The following RMDN3 variants were observed in gnomAD, a reference collection of about 807,000 sequenced individuals.
RMDN3 encodes the protein regulator of microtubule dynamics protein 3.
Under a neutral mutation model 61.8 loss-of-function variants are expected in RMDN3, and 41 were observed. The observed-to-expected ratio is 0.66, with a 90% CI of 0.52 to 0.86. The LOEUF (loss-of-function observed/expected upper bound fraction) is 0.86, where lower values mean the gene tolerates loss of function less well. Among genes scored for constraint, RMDN3 ranks in the 40% least tolerant of loss-of-function variants. The pLI is 0.00. For missense variants in RMDN3, 557 were observed against 585.3 expected (o/e 0.95, Z 0.50); for synonymous variants, 247 against 232.0 (o/e 1.06, Z -0.59).
At position 40,744,028 on chromosome 15, in the gene RMDN3, G is replaced by T; in HGVS notation, c.910+19C>A. 6.3e-7 allele frequency: 1 copy of T among 1,595,346 alleles called. No homozygotes were observed. Among genetic ancestry groups the T allele is most frequent in the South Asian group, 1.1e-5 (1 of 89,486 alleles). Reference sequence around the variant, plus strand: ...TGAATCAGTCAGTCACCTTCCCACAGGAAGCTGTCAGCACTTACCATCTAG... The same window carrying T: ...TGAATCAGTCAGTCACCTTCCCACATGAAGCTGTCAGCACTTACCATCTAG... On this transcript the variant is annotated intron_variant, in intron 6 of 12. Coordinates refer to ENST00000338376, the MANE Select transcript of RMDN3 (RefSeq NM_018145.3).
chr15:40,737,886 G>T, intron 9 of RMDN3, 79 bp downstream of exon 9: 1 of 1,542,216 alleles, frequency 6.5e-7, no homozygotes, highest in Non-Finnish European at 9.0e-7. Flanking sequence ...GAAGGCTGAG[G>T]ATCTTGTTCT....
rs1442484009 is a variant in RMDN3 at position 40,745,107 on chromosome 15, G to A, written c.677C>T (p.Ala226Val). 6.2e-7 allele frequency: 1 copy of A among 1,614,090 alleles called. No homozygotes were observed. Among genetic ancestry groups the A allele is most frequent in the South Asian group, 1.1e-5 (1 of 91,078 alleles). Residue 226 changes from alanine to valine, a missense_variant, in exon 5 of 13, where the codon GCC becomes GTC. Transcript: ENST00000338376. Reference protein sequence around the residue: ...EEEAASGASSALEAGGSSGLE... With the variant: ...EEEAASGASSVLEAGGSSGLE... ...GCCTGAGGAACCTCCAGCCTCCAGGGCACTGGAGGCACCTGAAGCTGCCTC... is the reference window on the plus strand; with the variant it reads ...GCCTGAGGAACCTCCAGCCTCCAGGACACTGGAGGCACCTGAAGCTGCCTC...
chr15:40,738,737 G>T, intron 7 of RMDN3, 161 bp from the exon 8 acceptor site: 6 of 659,042 alleles, frequency 9.1e-6, no homozygotes, highest in Non-Finnish European at 1.3e-5. Flanking sequence ...CATTCTTTAC[G>T]GACCTCTGGC....
Position 40,751,522 on chromosome 15 carries a change from G to A in RMDN3, c.428C>T (p.Pro143Leu), listed in dbSNP as rs553491618. ...NQRVARRRRF[P>L]FVRERSDSTG... The stretch of plus-strand genomic sequence containing the variant: ...GGAGTCACTCCTCTCCCGGACAAAC[G>A]GAAACCTTCGCCGCCGAGCCACTCT... Residue 143 changes from proline (P) to leucine (L), a missense_variant, in exon 4 of 13, where the codon CCG becomes CTG. By Grantham distance (98) the Pro-to-Leu change is moderately conservative (BLOSUM62 -3). Coordinates refer to ENST00000338376, the MANE Select transcript of RMDN3 (RefSeq NM_018145.3). 108 of 1,614,122 alleles carry A rather than the reference G, an allele frequency of 6.7e-5. No homozygotes were observed. The African/African-American group carries it at 8.7e-4, about 13-fold the overall frequency.
Position 40,751,096 on chromosome 15 carries a change from C to T in RMDN3, c.524+330G>A, listed in dbSNP as rs531198017. 2.6e-5 allele frequency among the ~76,000 whole-genome samples: 4 copies of T among 152,330 alleles called. No individual in the cohort carries two copies. The East Asian group carries it at 5.8e-4, about 22-fold the overall frequency. On this transcript the variant is annotated intron_variant, in intron 4 of 12. Coordinates refer to ENST00000338376, the MANE Select transcript of RMDN3 (RefSeq NM_018145.3). Reference sequence around the variant, plus strand: ...AGCATGCTTCGTGCTTAGACATCTCCGTATACCAGCTCAGCCACCCAAGGA... The same window carrying T: ...AGCATGCTTCGTGCTTAGACATCTCTGTATACCAGCTCAGCCACCCAAGGA...
intron 6 of RMDN3, among the ~76,000 whole-genome samples, chr15:40,742,962 G>T (rs563283477): frequency 6.6e-6 from 1 of 152,158 alleles, no homozygotes; most frequent in Non-Finnish European, 1.5e-5. Context: ...TTTTCTGAGG[G>T]TCTACAGAGA....
At chr15:40,745,950 A>G (rs1315836794) in intron 4 of RMDN3, among the ~76,000 whole-genome samples, 5 of 152,210 alleles carry the variant, frequency 3.3e-5, no homozygotes, top group Non-Finnish European at 7.3e-5. Context: ...AGTAACCTTG[A>G]GAACTTAAGG....
At position 40,754,794 on chromosome 15, in the gene RMDN3, C is replaced by T. The variant is rs1485568808; in HGVS notation, c.-7-4G>A. ...TCCCAGTCTAGACATGCTGCACCTGCGGCCAGCAGAAGTCACCGGGAGCAG... is the reference window on the plus strand; with the variant it reads ...TCCCAGTCTAGACATGCTGCACCTGTGGCCAGCAGAAGTCACCGGGAGCAG... On this transcript the variant is annotated splice_polypyrimidine_tract_variant and splice_region_variant and intron_variant, in intron 1 of 12. Coordinates refer to ENST00000338376, the MANE Select transcript of RMDN3 (RefSeq NM_018145.3). 2.0e-6 allele frequency: 3 copies of T among 1,469,024 alleles called. No homozygotes were observed. Among genetic ancestry groups the T allele is most frequent in the African/African-American group, 1.5e-5 (1 of 67,438 alleles). 91.0% of individuals were successfully genotyped at this position (1,469,024 alleles called of 1,614,324 possible).
chr15:40,738,442 A>G (rs1354830915), intron 8 of RMDN3, 59 bp downstream of exon 8: 47 of 1,562,616 alleles, frequency 3.0e-5, no homozygotes, highest in Non-Finnish European at 3.7e-5. Flanking sequence ...AGGGAGCTGG[A>G]AAGGAGTGGG....
chr15:40,741,619 G>GGTTTTTTTTTTTT (rs1333820266), intron 6 of RMDN3, among the ~76,000 whole-genome samples: 2 of 60,990 alleles, frequency 3.3e-5, no homozygotes, highest in Non-Finnish European at 3.4e-5. Flanking sequence ...TGCAACATAG[G>GGTTTTTTTTTTTT]ATTTTTTTTT....
chr15:40,738,031 GT>G lies in RMDN3; in HGVS notation c.1058del (p.Asp353AlafsTer27), dbSNP rs1261398300. The G allele has an allele frequency of 6.2e-7, 1 of 1,614,114 alleles. No homozygotes were observed. The highest frequency in any genetic ancestry group is 1.7e-5 in the Admixed American group (1 of 60,022). Reference sequence around the variant, plus strand: ...TTTCTGGCTGGAGAGCAATGGCTTTGTCCACATGCTCCTAAGGGGAAAATGT... The same window carrying G: ...TTTCTGGCTGGAGAGCAATGGCTTTGCCACATGCTCCTAAGGGGAAAATGT... ...QSGFSFKEHV[D>X]KAIALQPENP... On this transcript the variant is annotated frameshift_variant, in exon 9 of 13. Coordinates refer to ENST00000338376, the MANE Select transcript of RMDN3 (RefSeq NM_018145.3). LOFTEE classifies it high-confidence loss of function.
chr15:40,737,150 G>C lies in RMDN3; in HGVS notation c.1333C>G (p.Leu445Val). 2 of 1,614,192 alleles carry C rather than the reference G, an allele frequency of 1.2e-6. No homozygotes were observed. Among genetic ancestry groups the C allele is most frequent in the African/African-American group, 2.7e-5 (2 of 75,050 alleles). The change falls in exon 12 of 13, where the codon CTG (leucine) becomes GTG (valine). Residue 445 changes from leucine (L) to valine (V), a missense_variant. Coordinates refer to ENST00000338376, the MANE Select transcript of RMDN3 (RefSeq NM_018145.3). ...TCCTTCGTGACATCTGGCAGCTCCA[G>C]GGCCAACTTCATCCACCATCTAGCT... Reference protein sequence around the residue: ...SEARWWMKLALELPDVTKEDL... With the variant: ...SEARWWMKLAVELPDVTKEDL...
chr15:40,746,878 G>GAAA (rs199761058), intron 4 of RMDN3, among the ~76,000 whole-genome samples: 5 of 140,662 alleles, frequency 3.6e-5, no homozygotes, highest in African/African-American at 1.3e-4. Context: ...TTAGTTATTA[G>GAAA]AAAAAAAAAA....
chr15:40,745,110 C>G lies in RMDN3; in HGVS notation c.674G>C (p.Ser225Thr), dbSNP rs901714934. Residue 225 changes from serine (S) to threonine (T), a missense_variant, in exon 5 of 13, where the codon AGT becomes ACT. Transcript: ENST00000338376. ...LEEEAASGAS[S>T]ALEAGGSSGL... ...TGAGGAACCTCCAGCCTCCAGGGCA[C>G]TGGAGGCACCTGAAGCTGCCTCTTC... 1 of 1,614,192 alleles carries G rather than the reference C, an allele frequency of 6.2e-7. No individual in the cohort carries two copies. Among genetic ancestry groups the G allele is most frequent in the African/African-American group, 1.3e-5 (1 of 75,048 alleles).
rs1485199391 is a variant in RMDN3, at chr15:40,751,745, C to T, written c.381-176G>A. 24 of 966,676 alleles carry T rather than the reference C, an allele frequency of 2.5e-5. No individual in the cohort carries two copies. The Admixed American group carries it at 3.1e-4, about 12-fold the overall frequency. 59.9% of individuals were successfully genotyped at this position (966,676 alleles called of 1,614,324 possible). A position where few individuals can be genotyped will look rare whatever the true frequency, so the allele number is the denominator to read the frequency against. Reference sequence around the variant, plus strand: ...GGCAGCTTCCTGGGCCCAGCCCGCACAGACAGACTAGGTTAGGCAAACAGA... The same window carrying T: ...GGCAGCTTCCTGGGCCCAGCCCGCATAGACAGACTAGGTTAGGCAAACAGA... On this transcript the variant is annotated intron_variant, in intron 3 of 12. Coordinates refer to ENST00000338376, the MANE Select transcript of RMDN3 (RefSeq NM_018145.3).
intron 6 of RMDN3, among the ~76,000 whole-genome samples, chr15:40,742,344 A>C (rs1897317212): frequency 6.6e-6 from 1 of 151,662 alleles, no homozygotes; most frequent in African/African-American, 2.4e-5. Flanking sequence ...GCTGTGAAAG[A>C]CTCTACCTCT....
At position 40,738,032 on chromosome 15, in the gene RMDN3, T is replaced by C. The variant is rs1202136140; in HGVS notation, c.1058A>G (p.Asp353Gly). ...QSGFSFKEHV[D>G]KAIALQPENP... ...TTCTGGCTGGAGAGCAATGGCTTTG[T>C]CCACATGCTCCTAAGGGGAAAATGT... The change falls in exon 9 of 13, where the codon GAC becomes GGC. Residue 353 changes from aspartate to glycine, a missense_variant. Transcript: ENST00000338376. 1 of 1,614,002 alleles carries C rather than the reference T, an allele frequency of 6.2e-7. No homozygotes were observed. Among genetic ancestry groups the C allele is most frequent in the Non-Finnish European group, 8.5e-7 (1 of 1,179,982 alleles).
chr15:40,751,392 G>A (rs763876773), intron 4 of RMDN3, 34 bp downstream of exon 4: 4 of 1,605,434 alleles, frequency 2.5e-6, no homozygotes, highest in East Asian at 2.2e-5. Flanking sequence ...CAACCTGGCT[G>A]TAGCCATAAC....
intron 2 of RMDN3, 135 bp downstream of exon 2, chr15:40,754,462 T>C (rs1897955132): frequency 2.1e-6 from 2 of 941,274 alleles, no homozygotes; most frequent in South Asian, 2.1e-5. Flanking sequence ...GACTGCTTTT[T>C]CAACAAGCTT....
Sources: gnomAD v4.1 joint callset for allele counts (sites outside exome capture counted in the v4.1 genomes callset) on GRCh38, gnomAD v4.1.1 for gene constraint, MANE v1.5 for transcripts, NCBI Gene and HGNC (gene_info 2026-07-23, HGNC 2026-07-21) for gene names.